Variants in RAB6A observed in about 807,000 individuals in gnomAD.
The protein encoded by RAB6A is ras-related protein Rab-6A.
A neutral mutation model predicts 32.3 loss-of-function variants in RAB6A; 8 were observed. The observed-to-expected ratio is 0.25, with a 90% CI of 0.15 to 0.45. RAB6A has a LOEUF of 0.45. Ranked by LOEUF, RAB6A falls within the 20% of genes least tolerant of loss-of-function variation. RAB6A has a pLI of 1.00. For synonymous variants in RAB6A, 73 were observed against 82.1 expected (o/e 0.89, Z 0.60); for missense variants, 104 against 249.4 (o/e 0.42, Z 3.93).
chr11:73,728,422 CTTTAT>C (rs1946254473), intron 2 of RAB6A, among the ~76,000 whole-genome samples: 1 of 151,832 alleles, frequency 6.6e-6, no homozygotes, highest in African/African-American at 2.4e-5. Flanking sequence ...TGATTTTGTC[CTTTAT>C]TTTATTCAAA....
intron 1 of RAB6A, among the ~76,000 whole-genome samples, chr11:73,731,740 A>G (rs1314141716): frequency 8.5e-6 from 1 of 118,126 alleles, no homozygotes; most frequent in African/African-American, 3.3e-5. Context: ...ATACACACAC[A>G]CACACATATT....
intron 1 of RAB6A, among the ~76,000 whole-genome samples, chr11:73,744,355 A>T (rs1946546828): frequency 2.0e-5 from 3 of 148,918 alleles, no homozygotes; most frequent in South Asian, 2.1e-4. Context: ...AAAAAAAAAA[A>T]TTTAAATTAG....
chr11:73,718,833 T>C (rs1946090565), intron 3 of RAB6A, 115 bp from the exon 4 acceptor site: 1 of 1,613,302 alleles, frequency 6.2e-7, no homozygotes, highest in Admixed American at 1.7e-5. Flanking sequence ...CGGATGTAAC[T>C]GGGAATGAGG....
chr11:73,744,246 G>A (rs997483697), intron 1 of RAB6A, among the ~76,000 whole-genome samples: 1 of 151,242 alleles, frequency 6.6e-6, no homozygotes, highest in Non-Finnish European at 1.5e-5. Flanking sequence ...GCTGAGGCAG[G>A]AGAATGGCGT....
At chr11:73,737,296 G>A (rs771029691) in intron 1 of RAB6A, among the ~76,000 whole-genome samples, 1 of 152,044 alleles carries the variant, frequency 6.6e-6, no homozygotes, top group Non-Finnish European at 1.5e-5. Context: ...ATCAGCCTGG[G>A]CAAATAAGCG....
At chr11:73,708,139 G>A (rs2134921985) in intron 5 of RAB6A, among the ~76,000 whole-genome samples, 1 of 152,194 alleles carries the variant, frequency 6.6e-6, no homozygotes, top group South Asian at 2.1e-4. Flanking sequence ...AATATTTTGT[G>A]CACTGCAAAT....
intron 3 of RAB6A, 72 bp from the exon 4 acceptor site, chr11:73,718,790 A>G: frequency 6.2e-7 from 1 of 1,614,156 alleles, no homozygotes; most frequent in East Asian, 2.2e-5. Context: ...CCTACTTGTG[A>G]TATCGTAAAC....
At chr11:73,693,291 AAAATAAATAAAT>A (rs3046617) in intron 6 of RAB6A, among the ~76,000 whole-genome samples, 8 of 151,032 alleles carry the variant, frequency 5.3e-5, no homozygotes, top group African/African-American at 1.7e-4. Flanking sequence ...CCGTCTCCAA[AAAATAAATAAAT>A]AAATAAATAA....
intron 6 of RAB6A, among the ~76,000 whole-genome samples, chr11:73,685,989 T>G (rs1945449382): frequency 1.3e-5 from 2 of 150,728 alleles, no homozygotes; most frequent in South Asian, 4.2e-4. Context: ...GAACAGAGAA[T>G]TTTGCCAAAT....
chr11:73,712,728 C>CTT (rs57665830), intron 5 of RAB6A, among the ~76,000 whole-genome samples: 87,326 of 142,640 alleles, frequency 0.61, 27,626 homozygotes, highest in East Asian at 0.73. Context: ...ATTATAGAGG[C>CTT]TTTTTTTTTT....
At chr11:73,699,092 A>T (rs969180693) in intron 6 of RAB6A, among the ~76,000 whole-genome samples, 1 of 151,974 alleles carries the variant, frequency 6.6e-6, no homozygotes, top group Non-Finnish European at 1.5e-5. Context: ...ACCTCCGGTG[A>T]TTCACCCACC....
chr11:73,760,696 C>A lies in RAB6A; in HGVS notation c.-61G>T. On this transcript the variant is annotated 5_prime_UTR_variant, in exon 1 of 8. Coordinates refer to ENST00000336083, the MANE Select transcript of RAB6A (RefSeq NM_198896.2). ...GAGACCTCCCGGACCGATGCTGCTC[C>A]AGCCAGCTGACGAAAAAGGCGAGCG... 1 of 1,561,386 alleles carries A rather than the reference C, an allele frequency of 6.4e-7. No individual in the cohort carries two copies.
chr11:73,714,974 A>T (rs961701233), intron 5 of RAB6A, among the ~76,000 whole-genome samples: 2 of 152,212 alleles, frequency 1.3e-5, no homozygotes, highest in African/African-American at 4.8e-5. Flanking sequence ...CCAAAAAAAG[A>T]AAAGTACCTA....
At chr11:73,717,272 A>G (rs909335416) in intron 4 of RAB6A, among the ~76,000 whole-genome samples, 5 of 152,248 alleles carry the variant, frequency 3.3e-5, no homozygotes, top group African/African-American at 1.2e-4. Flanking sequence ...ATGCATAGTA[A>G]CAGTATTACT....
chr11:73,756,310 C>T (rs1163043014), intron 1 of RAB6A, among the ~76,000 whole-genome samples: 1 of 152,150 alleles, frequency 6.6e-6, no homozygotes, highest in African/African-American at 2.4e-5. Flanking sequence ...GCTGAGATCA[C>T]ACCACTGCAC....
chr11:73,759,208 T>C (rs1417191017), intron 1 of RAB6A, among the ~76,000 whole-genome samples: 1 of 152,208 alleles, frequency 6.6e-6, no homozygotes, highest in African/African-American at 2.4e-5. Flanking sequence ...TACTCAATGT[T>C]TGATGACTCA....
At chr11:73,730,875 C>A in intron 1 of RAB6A, 52 bp from the exon 2 acceptor site, 1 of 1,424,442 alleles carries the variant, frequency 7.0e-7, no homozygotes, top group South Asian at 1.3e-5. Context: ...ACATTGGGTT[C>A]TCAGAAAATT....
intron 2 of RAB6A, among the ~76,000 whole-genome samples, chr11:73,727,232 G>C (rs929973905): frequency 2.0e-5 from 3 of 151,800 alleles, no homozygotes; most frequent in African/African-American, 7.3e-5. Context: ...ACAAGACTTA[G>C]GCAAGATGGC....
chr11:73,724,699 C>T (rs750866082), intron 2 of RAB6A, among the ~76,000 whole-genome samples: 2 of 152,098 alleles, frequency 1.3e-5, no homozygotes, highest in African/African-American at 4.8e-5. Context: ...TGTTAGCCAA[C>T]ATGGTGTCGA....
Sources: gnomAD v4.1 joint callset for allele counts (sites outside exome capture counted in the v4.1 genomes callset) on GRCh38, gnomAD v4.1.1 for gene constraint, MANE v1.5 for transcripts, NCBI Gene and HGNC (gene_info 2026-07-23, HGNC 2026-07-21) for gene names.